Variants in CHIC2 observed in about 807,000 individuals in gnomAD.
CHIC2 encodes cysteine-rich hydrophobic domain-containing protein 2.
Under a neutral mutation model 25.9 loss-of-function variants are expected in CHIC2, and 14 were observed. That is an observed-to-expected ratio of 0.54 (90% CI 0.36 to 0.85). The LOEUF is 0.85. Ranked by LOEUF, CHIC2 falls within the 40% of genes least tolerant of loss-of-function variation. CHIC2 has a pLI of 0.01. For missense variants in CHIC2, 146 were observed against 202.0 expected, an observed-to-expected ratio of 0.72 and a Z score of 1.68; for synonymous variants, 70 against 72.0, an observed-to-expected ratio of 0.97 and a Z score of 0.14.
chr4:54,012,465 A>G (rs760179224), intron 5 of CHIC2, among the ~76,000 whole-genome samples: 2 of 152,178 alleles, frequency 1.3e-5, no homozygotes, highest in Non-Finnish European at 2.9e-5. Flanking sequence ...TCTGGAATTC[A>G]TAGCATTGGG....
At chr4:54,070,270 A>G in the CHIC2 span, among the ~76,000 whole-genome samples, 1 of 152,246 alleles carries the variant, frequency 6.6e-6, no homozygotes, top group East Asian at 1.9e-4. Flanking sequence ...GTTGAGGTCA[A>G]AGAGGCTGGT....
upstream of CHIC2, among the ~76,000 whole-genome samples, chr4:54,069,084 A>G (rs1717569951): frequency 1.3e-5 from 2 of 152,188 alleles, no homozygotes; most frequent in African/African-American, 4.8e-5. Flanking sequence ...ATTGAGACAG[A>G]GGTACAATCA....
At chr4:54,025,702 T>C (rs1030288163) in intron 3 of CHIC2, among the ~76,000 whole-genome samples, 1 of 151,160 alleles carries the variant, frequency 6.6e-6, no homozygotes, top group African/African-American at 2.4e-5. Context: ...CTACAAAAAT[T>C]ACAAAAATCA....
chr4:54,049,476 T>G (rs564946033), intron 1 of CHIC2, among the ~76,000 whole-genome samples, 171 bp from the exon 2 acceptor site: 1 of 152,302 alleles, frequency 6.6e-6, no homozygotes, highest in African/African-American at 2.4e-5. Context: ...TTATGAAATG[T>G]AACAATTATT....
At chr4:54,065,863 T>C (rs1717507229), upstream of CHIC2, among the ~76,000 whole-genome samples, 1 of 152,094 alleles carries the variant, frequency 6.6e-6, no homozygotes, top group Admixed American at 6.5e-5. Flanking sequence ...TGGAAACAAC[T>C]GAAGGAAATG....
chr4:54,068,951 G>A (rs1006256149), upstream of CHIC2, among the ~76,000 whole-genome samples: 2 of 152,114 alleles, frequency 1.3e-5, no homozygotes, highest in African/African-American at 2.4e-5. Flanking sequence ...CAGAACTCGG[G>A]GAAACAGGTT....
chr4:54,087,046 C>A, the CHIC2 span: 5 of 1,148,322 alleles, frequency 4.4e-6, no homozygotes, highest in South Asian at 3.7e-5. Flanking sequence ...GGAAAGAAGG[C>A]AGCTGGTCCA....
chr4:54,090,220 T>C, the CHIC2 span, among the ~76,000 whole-genome samples: 1 of 152,094 alleles, frequency 6.6e-6, no homozygotes, highest in South Asian at 2.1e-4. Flanking sequence ...GAAGTTTTGC[T>C]CTATGGCCCA....
intron 3 of CHIC2, among the ~76,000 whole-genome samples, chr4:54,016,207 A>C (rs568933929): frequency 2.0e-4 from 30 of 152,290 alleles, no homozygotes; most frequent in African/African-American, 7.2e-4. Flanking sequence ...CAAAAGCTTA[A>C]TACTACATTC....
intron 3 of CHIC2, among the ~76,000 whole-genome samples, chr4:54,030,912 C>T (rs1359169765): frequency 6.7e-5 from 10 of 148,374 alleles, no homozygotes; most frequent in Non-Finnish European, 1.0e-4. Context: ...GTCTCACTGT[C>T]GTCTAGGCTG....
intron 3 of CHIC2, among the ~76,000 whole-genome samples, chr4:54,047,417 A>G (rs1716865093): frequency 6.6e-6 from 1 of 152,130 alleles, no homozygotes; most frequent in Non-Finnish European, 1.5e-5. Flanking sequence ...CAACAATGGT[A>G]GACTGGATTA....
chr4:54,066,985 G>A (rs772696523), upstream of CHIC2, among the ~76,000 whole-genome samples: 5 of 152,198 alleles, frequency 3.3e-5, no homozygotes, highest in Non-Finnish European at 7.3e-5. Flanking sequence ...CAAAGACGGA[G>A]GAAGCCACAC....
chr4:54,025,646 C>G (rs1206311499), intron 3 of CHIC2, among the ~76,000 whole-genome samples: 1 of 151,670 alleles, frequency 6.6e-6, no homozygotes, highest in African/African-American at 2.4e-5. Context: ...ATCACTTGAG[C>G]CTAGAAGTTC....
intron 3 of CHIC2, among the ~76,000 whole-genome samples, chr4:54,047,542 C>T (rs1038816367): frequency 1.8e-4 from 27 of 150,986 alleles, no homozygotes; most frequent in Non-Finnish European, 3.5e-4. Flanking sequence ...AGCAAACTAT[C>T]GCAAGGACAA....
chr4:54,077,503 G>A, the CHIC2 span, among the ~76,000 whole-genome samples: 2 of 152,174 alleles, frequency 1.3e-5, no homozygotes, highest in South Asian at 4.1e-4. Context: ...TGGCTGAACT[G>A]GAAAGAACAG....
At chr4:54,044,230 T>C (rs564491639) in intron 3 of CHIC2, among the ~76,000 whole-genome samples, 56 of 152,066 alleles carry the variant, frequency 3.7e-4, no homozygotes, top group Non-Finnish European at 7.1e-4. Context: ...CTGTCAACAT[T>C]AGACAGATCA....
chr4:54,020,748 C>T (rs1715871923), intron 3 of CHIC2, among the ~76,000 whole-genome samples: 1 of 152,192 alleles, frequency 6.6e-6, no homozygotes, highest in Non-Finnish European at 1.5e-5. Flanking sequence ...CTAGTAGAGA[C>T]AAAGGAGACA....
At chr4:54,030,533 A>ATAT (rs1337508207) in intron 3 of CHIC2, among the ~76,000 whole-genome samples, 5 of 118,208 alleles carry the variant, frequency 4.2e-5, no homozygotes, top group Admixed American at 8.3e-5. Context: ...GAAAAAAAAA[A>ATAT]AAAAATATAT....
At chr4:54,010,846 T>C (rs1715565456) in intron 5 of CHIC2, among the ~76,000 whole-genome samples, 1 of 152,082 alleles carries the variant, frequency 6.6e-6, no homozygotes, top group South Asian at 2.1e-4. Flanking sequence ...AGATAAAAGG[T>C]CCTTTATCTC....
Sources: gnomAD v4.1 joint callset for allele counts (sites outside exome capture counted in the v4.1 genomes callset) on GRCh38, gnomAD v4.1.1 for gene constraint, MANE v1.5 for transcripts, NCBI Gene and HGNC (gene_info 2026-07-23, HGNC 2026-07-21) for gene names.